APP: variants seen among roughly 807,000 people sequenced by gnomAD.
APP encodes the protein amyloid-beta precursor protein.
In APP, 31 loss-of-function variants were observed where a neutral mutation model predicts 101.4. The ratio of observed to expected loss-of-function variants is 0.31; its 90% confidence interval spans 0.23 to 0.41. The LOEUF (loss-of-function observed/expected upper bound fraction) is 0.41, where lower values mean the gene tolerates loss of function less well. Ranked by LOEUF, APP falls within the 10% of genes least tolerant of loss-of-function variation. The pLI, the probability that APP is intolerant of heterozygous loss-of-function variation, is 1.00. For synonymous variants in APP, 366 were observed against 364.4 expected, an observed-to-expected ratio of 1.00 and a Z score of -0.05; for missense variants, 839 against 1,003.7, an observed-to-expected ratio of 0.84 and a Z score of 2.22.
At chr21:25,999,160 C>CA (rs1222846835) in intron 7 of APP, among the ~76,000 whole-genome samples, 12 of 152,112 alleles carry the variant, frequency 7.9e-5, no homozygotes, top group Non-Finnish European at 1.6e-4. Context: ...GGCGCAGTGG[C>CA]ATGTGCCTGT....
intron 5 of APP, among the ~76,000 whole-genome samples, chr21:26,045,021 C>A (rs2146881221): frequency 6.6e-6 from 1 of 152,138 alleles, no homozygotes; most frequent in South Asian, 2.1e-4. Context: ...GTCTGTGCAA[C>A]ACATTTATTT....
At chr21:26,010,025 T>C (rs2032051085) in intron 6 of APP, 1 of 59,524 alleles carries the variant, frequency 1.7e-5, no homozygotes, top group Non-Finnish European at 3.2e-5. Flanking sequence ...TACTGTTTCA[T>C]GTCCTTTTCT....
In APP at chr21:26,035,713, G is replaced by A. The variant is rs377655708; in HGVS notation, c.663-13671C>T. Among the ~76,000 whole-genome samples the A allele has an allele frequency of 7.2e-5, 11 of 152,278 alleles. No homozygotes were observed. In the East Asian group the frequency reaches 1.7e-3, roughly 24 times the overall value. ...CACTCTACATCCTGGCTGCTGTACA[G>A]AGAATGGCTTGGTGTGGGAGAAGAA... On this transcript the variant is annotated intron_variant, in intron 5 of 17. Coordinates refer to ENST00000346798, the MANE Select transcript of APP (RefSeq NM_000484.4).
chr21:26,032,768 TG>T (rs1409897064), intron 5 of APP, among the ~76,000 whole-genome samples: 1 of 145,730 alleles, frequency 6.9e-6, no homozygotes, highest in Non-Finnish European at 1.5e-5. Context: ...TCACAGGTAA[TG>T]TTTTTCTTGG....
intron 15 of APP, among the ~76,000 whole-genome samples, chr21:25,898,268 T>C (rs1389941044): frequency 1.3e-5 from 2 of 152,194 alleles, no homozygotes; most frequent in Non-Finnish European, 2.9e-5. Context: ...AGAGCTATAG[T>C]ACATAATTTT....
rs200548072 is a variant in APP, at chr21:25,975,123, G to A, written c.1405C>T (p.Arg469Cys). The change falls in exon 11 of 18, where the codon CGC becomes TGC. Residue 469 changes from arginine (R) to cysteine (C), a missense_variant. By Grantham distance (180) the Arg-to-Cys change is radical. Transcript: ENST00000346798. ...ATGTAGTTCTCCAGGGCCAGGCGGC[G>A]GCGGTCATTGAGCATGGCTTCCACT... Reference protein sequence around the residue: ...ARVEAMLNDRRRLALENYITA... With the variant: ...ARVEAMLNDRCRLALENYITA... 1.9e-5 allele frequency: 31 copies of A among 1,613,922 alleles called. No individual in the cohort carries two copies. Among genetic ancestry groups the A allele is most frequent in the South Asian group, 4.4e-5 (4 of 91,070 alleles).
At position 26,131,451 on chromosome 21, in the gene APP, A is replaced by G. The variant is rs573795468; in HGVS notation, c.58-19305T>C. Among the ~76,000 whole-genome samples, 3 of 152,296 alleles carry G rather than the reference A, an allele frequency of 2.0e-5. No homozygotes were observed. In the South Asian group the frequency reaches 6.2e-4, roughly 32 times the overall value. ...CATAGAGCAATACACTCAGTCAGTC[A>G]CTCATATATTTGTTGGCTCTTTTTA... On this transcript the variant is annotated intron_variant, in intron 1 of 17. Coordinates refer to ENST00000346798, the MANE Select transcript of APP (RefSeq NM_000484.4).
intron 1 of APP, among the ~76,000 whole-genome samples, chr21:26,150,723 T>C (rs2063251717): frequency 6.6e-6 from 1 of 152,196 alleles, no homozygotes; most frequent in Admixed American, 6.5e-5. Flanking sequence ...TTCATGGTTG[T>C]ATCCCAATGC....
At chr21:26,077,786 A>AC (rs1245544971) in intron 3 of APP, among the ~76,000 whole-genome samples, 1 of 151,990 alleles carries the variant, frequency 6.6e-6, no homozygotes, top group Non-Finnish European at 1.5e-5. Flanking sequence ...AAAAAAAAAA[A>AC]AAAAAAAAGA....
chr21:26,064,997 G>A (rs2046403727), intron 3 of APP, among the ~76,000 whole-genome samples: 1 of 152,220 alleles, frequency 6.6e-6, no homozygotes, highest in South Asian at 2.1e-4. Flanking sequence ...GGGACTACAG[G>A]CCTGCGCCAC....
rs45556936 is a variant in APP, at chr21:25,882,068, A to G, written c.2212-297T>C. 6.4e-3 allele frequency among the ~76,000 whole-genome samples: 969 copies of G among 152,142 alleles called. 18 individuals carry two copies. The highest frequency in any genetic ancestry group is 0.022 in the African/African-American group (907 of 41,500). On this transcript the variant is annotated intron_variant, in intron 17 of 17. Transcript: ENST00000346798. ...ACAGTAAGTGGATAAACCCAGTGCA[A>G]TGGTATTTTTTCCTCCCCTGTTGGG...
intron 6 of APP, among the ~76,000 whole-genome samples, chr21:26,013,629 G>C (rs2043919181): frequency 6.6e-6 from 1 of 151,890 alleles, no homozygotes; most frequent in Non-Finnish European, 1.5e-5. Flanking sequence ...GCCTTTCACT[G>C]ATTACTTCTG....
chr21:25,984,667 A>T (rs9305274), intron 8 of APP, among the ~76,000 whole-genome samples: 36,771 of 152,038 alleles, frequency 0.24, 4,919 homozygotes, highest in East Asian at 0.43. Flanking sequence ...CCAACTTGAA[A>T]TGAACATGGT....
At chr21:26,147,050 G>A (rs1336109711) in intron 1 of APP, among the ~76,000 whole-genome samples, 1 of 152,144 alleles carries the variant, frequency 6.6e-6, no homozygotes, top group Non-Finnish European at 1.5e-5. Flanking sequence ...TTGCCCCATT[G>A]ACCTATCTAT....
intron 6 of APP, among the ~76,000 whole-genome samples, chr21:26,005,807 AT>A (rs1341620171): frequency 1.3e-5 from 2 of 152,212 alleles, no homozygotes; most frequent in Non-Finnish European, 2.9e-5. Context: ...ATTAATTACT[AT>A]TATCACTCAG....
intron 1 of APP, among the ~76,000 whole-genome samples, chr21:26,144,904 T>G (rs1460227838): frequency 6.6e-6 from 1 of 152,228 alleles, no homozygotes; most frequent in East Asian, 1.9e-4. Context: ...CTTCCAGTAC[T>G]TTCAAAAGCA....
chr21:25,906,697 T>C (rs1424503810), intron 14 of APP, among the ~76,000 whole-genome samples: 1 of 152,210 alleles, frequency 6.6e-6, no homozygotes, highest in East Asian at 1.9e-4. Context: ...CAACCTGTAA[T>C]GAGTAACTGT....
At chr21:26,084,227 ATTTTTTTTTTTTTTTTTT>A (rs869179482) in intron 3 of APP, among the ~76,000 whole-genome samples, 2 of 83,062 alleles carry the variant, frequency 2.4e-5, no homozygotes, top group East Asian at 3.5e-4. Flanking sequence ...GAAGGGCTCC[ATTTTTTTTTTTTTTTTTT>A]TTTTTTTTTT....
At chr21:26,076,719 T>C (rs993715735) in intron 3 of APP, among the ~76,000 whole-genome samples, 4 of 152,216 alleles carry the variant, frequency 2.6e-5, no homozygotes, top group African/African-American at 9.7e-5. Flanking sequence ...TTTATCTAAT[T>C]CAAAGTTAGG....
Sources: gnomAD v4.1 joint callset for allele counts (sites outside exome capture counted in the v4.1 genomes callset) on GRCh38, gnomAD v4.1.1 for gene constraint, MANE v1.5 for transcripts, NCBI Gene and HGNC (gene_info 2026-07-23, HGNC 2026-07-21) for gene names.